RELT: variants seen among roughly 807,000 people sequenced by gnomAD.
RELT encodes the protein tumor necrosis factor receptor superfamily member 19L.
Under a neutral mutation model 51.1 loss-of-function variants are expected in RELT, and 37 were observed. The observed-to-expected ratio is 0.72, with a 90% CI of 0.56 to 0.95. The LOEUF (loss-of-function observed/expected upper bound fraction) is 0.95, where lower values mean the gene tolerates loss of function less well. Ranked by LOEUF, RELT falls within the 40% of genes least tolerant of loss-of-function variation. RELT has a pLI of 0.00. For synonymous variants in RELT, 241 were observed against 235.7 expected (o/e 1.02, Z -0.21); for missense variants, 535 against 572.6 (o/e 0.93, Z 0.67).
chr11:73,378,572 C>G (rs1030254459), intron 1 of RELT, among the ~76,000 whole-genome samples: 1 of 152,210 alleles, frequency 6.6e-6, no homozygotes, highest in African/African-American at 2.4e-5. Context: ...GAGAGGATCA[C>G]CCACCTTCCT....
chr11:73,390,975 A>G (rs1028897514), intron 4 of RELT, 54 bp downstream of exon 4: 1 of 1,589,774 alleles, frequency 6.3e-7, no homozygotes, highest in Non-Finnish European at 8.5e-7. Context: ...AGGACTCTGG[A>G]TCCTGGGGCC....
At chr11:73,381,640 G>A (rs530247872) in intron 1 of RELT, among the ~76,000 whole-genome samples, 1 of 152,192 alleles carries the variant, frequency 6.6e-6, no homozygotes, top group South Asian at 2.1e-4. Context: ...GCCTGTGAAC[G>A]CTGAGTCCTC....
intron 1 of RELT, among the ~76,000 whole-genome samples, chr11:73,386,735 C>G (rs763138194): frequency 5.3e-5 from 8 of 152,210 alleles, no homozygotes; most frequent in Non-Finnish European, 1.0e-4. Context: ...CTGCGTCTGT[C>G]TGCAGATGAG....
chr11:73,384,939 G>A (rs74659643), intron 1 of RELT, among the ~76,000 whole-genome samples: 1,759 of 152,232 alleles, frequency 0.012, 39 homozygotes, highest in African/African-American at 0.04. Flanking sequence ...TGCTGGCCAA[G>A]CGATGAGGGG....
At chr11:73,385,069 C>CCCAGGG in intron 1 of RELT, among the ~76,000 whole-genome samples, 1 of 152,068 alleles carries the variant, frequency 6.6e-6, no homozygotes, top group Non-Finnish European at 1.5e-5. Context: ...TGGGAGCTGG[C>CCCAGGG]CCAGGGCCAG....
At chr11:73,392,661 G>A (rs1367962261) in intron 6 of RELT, 193 bp downstream of exon 6, 1 of 1,424,042 alleles carries the variant, frequency 7.0e-7, no homozygotes, top group Non-Finnish European at 9.2e-7. Flanking sequence ...GGGCAGAGCA[G>A]AGGTGGCACA....
In RELT at chr11:73,392,446, C is replaced by G. The variant is rs150760056; in HGVS notation, c.603C>G (p.Pro201=). ...GCACGGCGCACAAGGAGGTCGGGCC[C>G]GGCCCTGGAGGTGGAGGCAGTGGTG... ...YHCTAHKEVG[P]GPGGGGSGIN... is the part of the protein sequence containing the mutation. The change falls in exon 6 of 11, where the codon CCC becomes CCG. Residue 201 remains proline (P), a synonymous_variant. Coordinates refer to ENST00000064780, the MANE Select transcript of RELT (RefSeq NM_152222.2). The G allele has an allele frequency of 2.2e-5, 35 of 1,612,810 alleles. No individual in the cohort carries two copies. The highest frequency in any genetic ancestry group is 1.2e-5 in the Non-Finnish European group (14 of 1,179,866).
chr11:73,394,789 C>T lies in RELT; in HGVS notation c.1046+55C>T, dbSNP rs906678013. 20 of 1,574,172 alleles carry T rather than the reference C, an allele frequency of 1.3e-5. No homozygotes were observed. The highest frequency in any genetic ancestry group is 5.1e-5 in the Admixed American group (3 of 58,316). On this transcript the variant is annotated intron_variant, in intron 9 of 10. Transcript: ENST00000064780. This position sits in a 1 kb window ranked among gnomAD's most constrained non-coding sequence, Gnocchi z 4.9. ...GGTAAAGACGTGACAGCCTGGGGGC[C>T]GGGAGGGGGAGGCAGGGCCCCAGCT... is the stretch of plus-strand genomic sequence containing the variant.
chr11:73,391,123 T>G, intron 4 of RELT, 21 bp from the exon 5 acceptor site: 1 of 1,610,368 alleles, frequency 6.2e-7, no homozygotes, highest in East Asian at 2.2e-5. Context: ...TGGGCCTCAG[T>G]GGTATCTTCC....
At chr11:73,390,971 C>G in intron 4 of RELT, 50 bp downstream of exon 4, 1 of 1,592,864 alleles carries the variant, frequency 6.3e-7, no homozygotes. Context: ...GACCAGGACT[C>G]TGGATCCTGG....
chr11:73,395,337 A>C, intron 10 of RELT, 52 bp downstream of exon 10: 2 of 1,592,920 alleles, frequency 1.3e-6, no homozygotes, highest in Non-Finnish European at 1.7e-6. Context: ...ACCCTGACCG[A>C]AGACGGGGCA....
At position 73,383,857 on chromosome 11, in the gene RELT, C is replaced by G. The variant is rs756292587; in HGVS notation, c.-25-5255C>G. Among the ~76,000 whole-genome samples, 3 of 152,242 alleles carry G rather than the reference C, an allele frequency of 2.0e-5. No homozygotes were observed. In the East Asian group the frequency reaches 5.8e-4, roughly 29 times the overall value. On this transcript the variant is annotated intron_variant, in intron 1 of 10. Coordinates refer to ENST00000064780, the MANE Select transcript of RELT (RefSeq NM_152222.2). The stretch of plus-strand genomic sequence containing the variant: ...AAGAGGGAAAGCCACTCAGCGTGGT[C>G]GCTGCCCTACTTCAGCCCCACTTGC...
At chr11:73,376,908 TGCGGCGCGGGGCGGCC>T (rs1258675987) in intron 1 of RELT, 2 of 153,102 alleles carry the variant, frequency 1.3e-5, no homozygotes, top group African/African-American at 4.8e-5. Context: ...TCGGCGCGGC[TGCGGCGCGGGGCGGCC>T]AAGGGGGGGT....
At position 73,394,156 on chromosome 11, in the gene RELT, G is replaced by A. The variant is rs1590738989; in HGVS notation, c.707-80G>A. On this transcript the variant is annotated intron_variant, in intron 7 of 10. Coordinates refer to ENST00000064780, the MANE Select transcript of RELT (RefSeq NM_152222.2). This position sits in a 1 kb window ranked among gnomAD's most constrained non-coding sequence, Gnocchi z 4.9. Reference sequence around the variant, plus strand: ...GGGAGTGGTGGTATGGAGGGTAGGTGGGGGGTTCTCTGCTGGGGCAGGGGG... The same window carrying A: ...GGGAGTGGTGGTATGGAGGGTAGGTAGGGGGTTCTCTGCTGGGGCAGGGGG... The A allele has an allele frequency of 1.2e-5, 16 of 1,306,704 alleles. No individual in the cohort carries two copies. The highest frequency in any genetic ancestry group is 2.9e-5 in the African/African-American group (2 of 68,170). 80.9% of individuals were successfully genotyped at this position (1,306,704 alleles called of 1,614,324 possible). A position where few individuals can be genotyped will look rare whatever the true frequency, so the allele number is the denominator to read the frequency against.
chr11:73,394,516 G>A lies in RELT; in HGVS notation c.828G>A (p.Pro276=), dbSNP rs373736645. Residue 276 remains proline (P), a synonymous_variant, in exon 9 of 11, where the codon CCG becomes CCA. Transcript: ENST00000064780. This position sits in a 1 kb window ranked among gnomAD's most constrained non-coding sequence, Gnocchi z 4.9. ...PAPPNVPHIC[P]HRHHLHTVQG... ...CCCCGAACGTGCCACACATCTGCCC[G>A]CACCGCCACCATCTCCACACCGTGC... The A allele has an allele frequency of 9.6e-5, 154 of 1,610,566 alleles. No individual in the cohort carries two copies. Among genetic ancestry groups the A allele is most frequent in the Middle Eastern group, 1.6e-4 (1 of 6,084 alleles).
chr11:73,390,891 G>A lies in RELT; in HGVS notation c.257G>A (p.Arg86Gln), dbSNP rs778114230. 2.4e-5 allele frequency: 39 copies of A among 1,613,316 alleles called. No individual in the cohort carries two copies. The highest frequency in any genetic ancestry group is 2.8e-5 in the Non-Finnish European group (33 of 1,179,902). ...GAGGCCCAGGTGGGCATGGCAACTC[G>A]AGATACACTCTGTGGAGACTGCTGG... is the stretch of plus-strand genomic sequence containing the variant. ...RLEAQVGMAT[R>Q]DTLCGDCWPG... The change falls in exon 4 of 11, where the codon CGA becomes CAA. Residue 86 changes from arginine (R) to glutamine (Q), a missense_variant. Coordinates refer to ENST00000064780, the MANE Select transcript of RELT (RefSeq NM_152222.2).
chr11:73,381,533 G>A (rs568943973), intron 1 of RELT, among the ~76,000 whole-genome samples: 42 of 152,280 alleles, frequency 2.8e-4, no homozygotes, highest in African/African-American at 8.4e-4. Flanking sequence ...GGGGGAGTCT[G>A]GAGAGGAGAG....
rs1436950547 is a variant in RELT at position 73,396,997 on chromosome 11, G to C, written c.*1506G>C. On this transcript the variant is annotated 3_prime_UTR_variant, in exon 11 of 11. Coordinates refer to ENST00000064780, the MANE Select transcript of RELT (RefSeq NM_152222.2). ...TTTCAATATAAAATCAGTATAAAAA[G>C]TGTGAATGAGCTGTTTTTGCTTTTG... The C allele has an allele frequency of 4.6e-5, 7 of 152,148 alleles. No individual in the cohort carries two copies. Among genetic ancestry groups the C allele is most frequent in the Non-Finnish European group, 8.8e-5 (6 of 68,034 alleles). The allele number at this position is 152,148 out of a possible 1,614,324, so 9.4% of individuals were successfully genotyped here. A position where few individuals can be genotyped will look rare whatever the true frequency, so the allele number is the denominator to read the frequency against.
At chr11:73,382,403 C>T (rs1866064058) in intron 1 of RELT, among the ~76,000 whole-genome samples, 1 of 152,190 alleles carries the variant, frequency 6.6e-6, no homozygotes, top group South Asian at 2.1e-4. Context: ...ATGGCCGGGG[C>T]AGGTGGCAAA....
Sources: allele counts gnomAD v4.1 joint callset (sites outside exome capture counted in the v4.1 genomes callset), GRCh38; gene constraint gnomAD v4.1.1; non-coding constraint Gnocchi (gnomAD v3.1); transcripts MANE v1.5; gene names NCBI Gene and HGNC (gene_info 2026-07-23, HGNC 2026-07-21).